The following PPAT variants were observed in gnomAD, a reference collection of about 807,000 sequenced individuals.
PPAT encodes phosphoribosyl pyrophosphate amidotransferase, also known as amidophosphoribosyltransferase.
Under a neutral mutation model 60.2 loss-of-function variants are expected in PPAT, and 20 were observed. That is an observed-to-expected ratio of 0.33 (90% CI 0.23 to 0.48). PPAT has a LOEUF of 0.48. PPAT is among the 20% of genes least tolerant of loss of function. The pLI, the probability that PPAT is intolerant of heterozygous loss-of-function variation, is 0.99. For synonymous variants in PPAT, 194 were observed against 215.1 expected (o/e 0.90, Z 0.86); for missense variants, 349 against 629.6 (o/e 0.55, Z 4.77).
At chr4:56,431,805 G>C (rs917369948) in intron 1 of PPAT, among the ~76,000 whole-genome samples, 1 of 152,128 alleles carries the variant, frequency 6.6e-6, no homozygotes, top group Admixed American at 6.5e-5. Context: ...ATTCTAAGAA[G>C]GGGTGTCTGG....
intron 3 of PPAT, chr4:56,404,096 C>G (rs1039356841): frequency 7.5e-6 from 3 of 398,854 alleles, no homozygotes; most frequent in African/African-American, 6.1e-5. Context: ...AACGGATGAC[C>G]ATGGCTGGAG....
chr4:56,401,007 A>G (rs1337313174), intron 7 of PPAT, 96 bp from the exon 8 acceptor site: 1 of 1,233,164 alleles, frequency 8.1e-7, no homozygotes, highest in Non-Finnish European at 1.1e-6. Flanking sequence ...CAGATTGAGT[A>G]TAAAAAGAAA....
chr4:56,432,525 C>CAAAAAAAAA (rs34998854), intron 1 of PPAT, among the ~76,000 whole-genome samples: 1 of 75,368 alleles, frequency 1.3e-5, no homozygotes, highest in Admixed American at 1.5e-4. Flanking sequence ...GACCCTGTCT[C>CAAAAAAAAA]AAAAAAAAAA....
chr4:56,428,930 T>G, intron 1 of PPAT: 1 of 915,358 alleles, frequency 1.1e-6, no homozygotes, highest in Non-Finnish European at 1.3e-6. Context: ...TTCCTGTGTT[T>G]TTATTTAAGA....
chr4:56,433,737 C>T (rs868660586), intron 1 of PPAT, among the ~76,000 whole-genome samples: 1 of 152,000 alleles, frequency 6.6e-6, no homozygotes, highest in African/African-American at 2.4e-5. Flanking sequence ...CTCTGTCGCC[C>T]AGGCTGGAGT....
chr4:56,407,660 T>A lies in PPAT; in HGVS notation c.185A>T (p.Lys62Ile). 6.2e-7 allele frequency: 1 copy of A among 1,602,002 alleles called. No individual in the cohort carries two copies. The highest frequency in any genetic ancestry group is 8.6e-7 in the Non-Finnish European group (1 of 1,168,768). Residue 62 changes from lysine to isoleucine, a missense_variant, in exon 2 of 11, where the codon AAA (lysine) becomes ATA (isoleucine). Around this residue, in one of 5 missense-constraint regions of PPAT, gnomAD observed 115 missense variants for 174.5 expected, o/e 0.66. Transcript: ENST00000264220. The part of the protein sequence containing the change: ...TSDGSSVPTF[K>I]SHKGMGLVNH... ...AAAGTTCAAATTTACCTTGTGTGATTTGAATGTTGGCACCGAACTCCCATC... is the reference window on the plus strand; with the variant it reads ...AAAGTTCAAATTTACCTTGTGTGATATGAATGTTGGCACCGAACTCCCATC...
chr4:56,428,213 G>A (rs1717395494), intron 1 of PPAT, among the ~76,000 whole-genome samples: 1 of 152,144 alleles, frequency 6.6e-6, no homozygotes, highest in African/African-American at 2.4e-5. Context: ...ATTTATCTAT[G>A]TTTGAATAAT....
Position 56,396,188 on chromosome 4 carries a change from G to T in PPAT, c.1357+431C>A, listed in dbSNP as rs992857348. Reference sequence around the variant, plus strand: ...CATCACCTGATTTTGAAAGGAAGATGTCTTACCCAGGATAACTTAGATCTC... The same window carrying T: ...CATCACCTGATTTTGAAAGGAAGATTTCTTACCCAGGATAACTTAGATCTC... On this transcript the variant is annotated intron_variant, in intron 10 of 10. Coordinates refer to ENST00000264220, the MANE Select transcript of PPAT (RefSeq NM_002703.5). The surrounding 1 kb of genome is among the most constrained non-coding windows in gnomAD (Gnocchi z 4.6). 1.3e-5 allele frequency: 2 copies of T among 153,412 alleles called. No individual in the cohort carries two copies. The highest frequency in any genetic ancestry group is 4.8e-5 in the African/African-American group (2 of 41,444). The allele number at this position is 153,412 out of a possible 1,614,324, so 9.5% of individuals were successfully genotyped here.
At chr4:56,431,230 T>C (rs567263477) in intron 1 of PPAT, among the ~76,000 whole-genome samples, 1 of 152,286 alleles carries the variant, frequency 6.6e-6, no homozygotes, top group South Asian at 2.1e-4. Context: ...AATATGAAAA[T>C]CAAAATTAAG....
At chr4:56,403,010 T>C (rs748464859) in intron 5 of PPAT, 30 bp downstream of exon 5, 33 of 1,553,986 alleles carry the variant, frequency 2.1e-5, no homozygotes, top group South Asian at 2.4e-5. Context: ...AAAAACACTA[T>C]GAAATGATAT....
At chr4:56,419,650 C>T (rs972216808) in intron 1 of PPAT, 2 of 983,274 alleles carry the variant, frequency 2.0e-6, no homozygotes, top group Non-Finnish European at 2.4e-6. Flanking sequence ...TCTAATAATA[C>T]AACTTTTATC....
chr4:56,421,599 C>T (rs1360490718), intron 1 of PPAT: 1 of 152,116 alleles, frequency 6.6e-6, no homozygotes, highest in Non-Finnish European at 1.5e-5. Flanking sequence ...AATGATGAGT[C>T]CCAATTGTAA....
At chr4:56,432,108 T>C (rs998197721) in intron 1 of PPAT, among the ~76,000 whole-genome samples, 2 of 152,236 alleles carry the variant, frequency 1.3e-5, no homozygotes, top group Non-Finnish European at 2.9e-5. Context: ...ATGGCTAATA[T>C]ACCTTCCAGG....
intron 10 of PPAT, 125 bp from the exon 11 acceptor site, chr4:56,395,673 TTAA>T: frequency 4.7e-6 from 3 of 636,816 alleles, no homozygotes; most frequent in East Asian, 3.9e-5. Context: ...TAGCCTTTCT[TTAA>T]AAAAAAAAAA....
intron 1 of PPAT, among the ~76,000 whole-genome samples, chr4:56,417,430 T>A (rs998331336): frequency 6.6e-6 from 1 of 152,316 alleles, no homozygotes; most frequent in African/African-American, 2.4e-5. Flanking sequence ...ATATCATTTG[T>A]ATGATAGGGG....
intron 10 of PPAT, 59 bp from the exon 11 acceptor site, chr4:56,395,607 C>G: frequency 8.0e-7 from 1 of 1,249,566 alleles, no homozygotes; most frequent in Non-Finnish European, 1.1e-6. Flanking sequence ...GGAAGAAACG[C>G]GTCAACAGAG....
At chr4:56,397,760 G>A (rs967836963) in intron 9 of PPAT, among the ~76,000 whole-genome samples, 1 of 152,020 alleles carries the variant, frequency 6.6e-6, no homozygotes, top group African/African-American at 2.4e-5. Context: ...CATAAAGTGA[G>A]GCCGGGTATG....
intron 1 of PPAT, among the ~76,000 whole-genome samples, chr4:56,408,633 C>A (rs182359828): frequency 0.029 from 4,027 of 140,936 alleles, 198 homozygotes; most frequent in African/African-American, 0.099. Flanking sequence ...GGGCGCCTGT[C>A]GTCCCAGCTA....
At chr4:56,401,950 A>G (rs1467721298) in intron 6 of PPAT, among the ~76,000 whole-genome samples, 159 bp downstream of exon 6, 1 of 152,194 alleles carries the variant, frequency 6.6e-6, no homozygotes, top group Non-Finnish European at 1.5e-5. Flanking sequence ...AACTCAGTGC[A>G]ACTGCTGAGC....
Sources: allele counts gnomAD v4.1 joint callset (sites outside exome capture counted in the v4.1 genomes callset), GRCh38; gene constraint gnomAD v4.1.1; regional missense constraint gnomAD v4.1.1; non-coding constraint Gnocchi (gnomAD v3.1); transcripts MANE v1.5; gene names NCBI Gene and HGNC (gene_info 2026-07-23, HGNC 2026-07-21).